Variants in SIGLEC9 observed in about 807,000 individuals in gnomAD.
SIGLEC9 encodes sialic acid binding Ig like lectin 9.
SIGLEC9 carries 26 observed loss-of-function variants against 38.3 expected under a neutral mutation model. The ratio of observed to expected loss-of-function variants is 0.68; its 90% CI spans 0.50 to 0.94. The LOEUF (loss-of-function observed/expected upper bound fraction) is 0.94. SIGLEC9 is among the 40% of genes least tolerant of loss of function. The pLI, the probability that SIGLEC9 is intolerant of heterozygous loss-of-function variation, is 0.00. For synonymous variants in SIGLEC9, 236 were observed against 248.0 expected, an observed-to-expected ratio of 0.95 and a Z score of 0.45; for missense variants, 556 against 585.7, an observed-to-expected ratio of 0.95 and a Z score of 0.52.
intron 2 of SIGLEC9, 33 bp from the exon 3 acceptor site, chr19:51,126,048 A>C: frequency 6.2e-7 from 1 of 1,611,570 alleles, no homozygotes; most frequent in African/African-American, 1.3e-5. Flanking sequence ...CAGCCCTCAC[A>C]GTGATGCGGG....
At chr19:51,124,850 C>T (rs1400310655), upstream of SIGLEC9, 5 of 1,270,912 alleles carry the variant, frequency 3.9e-6, no homozygotes, top group African/African-American at 7.5e-5. Flanking sequence ...CTGAGGAGGT[C>T]ACTGTTCCGA....
rs1295694413 is a variant in SIGLEC9, at chr19:51,127,091, G to A, written c.810G>A (p.Leu270=). 6.2e-7 allele frequency: 1 copy of A among 1,614,190 alleles called. No homozygotes were observed. Among genetic ancestry groups the A allele is most frequent in the Non-Finnish European group, 8.5e-7 (1 of 1,180,024 alleles). Residue 270 remains leucine (L), a synonymous_variant, in exon 4 of 7, where the codon CTG becomes CTA. Coordinates refer to ENST00000250360, the MANE Select transcript of SIGLEC9 (RefSeq NM_014441.3). ...TCCCAGAGGGCCAGTCTCTGCGCCT[G>A]GTCTGTGCAGTTGATGCAGTTGACA... ...LSLPEGQSLR[L]VCAVDAVDSN...
chr19:51,134,154 T>TTC (rs1568615434), downstream of SIGLEC9, among the ~76,000 whole-genome samples: 1 of 125,090 alleles, frequency 8.0e-6, no homozygotes, highest in Non-Finnish European at 1.7e-5. Flanking sequence ...TTTCTTTTTT[T>TTC]TTTTTTTTTT....
At chr19:51,126,022 ACAGGGCCAGTGTCCC>A in intron 2 of SIGLEC9, 44 bp from the exon 3 acceptor site, 1 of 1,582,558 alleles carries the variant, frequency 6.3e-7, no homozygotes, top group Non-Finnish European at 8.7e-7. Flanking sequence ...CTGGGGACAG[ACAGGGCCAGTGTCCC>A]CAGCCCTCAC....
At chr19:51,123,951 C>T (rs113176703), upstream of SIGLEC9, among the ~76,000 whole-genome samples, 583 of 152,214 alleles carry the variant, frequency 3.8e-3, 6 homozygotes, top group African/African-American at 0.013. Flanking sequence ...GTGCATGCCC[C>T]GGGGCTGGTG....
upstream of SIGLEC9, among the ~76,000 whole-genome samples, chr19:51,123,242 AG>A (rs532038829): frequency 1.2e-4 from 18 of 152,184 alleles, no homozygotes; most frequent in Non-Finnish European, 2.1e-4. Context: ...GGGAAGCCGA[AG>A]GATTGTTCCC....
In SIGLEC9 at chr19:51,129,171, G is replaced by GTTTTTTTTTTTTT. The variant is rs375911468; in HGVS notation, c.1203+666_1203+667insTTTTTTTTTTTTT. On this transcript the variant is annotated intron_variant, in intron 6 of 6. Transcript: ENST00000250360. ...GTTTTTTTTTTTTTTTGTTGTTGTT[G>GTTTTTTTTTTTTT]TTTTTGAGACAGAGTCTTGCTCTGT... 4.3e-5 allele frequency among the ~76,000 whole-genome samples: 6 copies of GTTTTTTTTTTTTT among 138,990 alleles called. 1 individual carries two copies. The highest frequency in any genetic ancestry group is 1.8e-4 in the African/African-American group (6 of 33,126). The allele number at this position is 138,990 out of a possible 152,430, so 91.2% of individuals were successfully genotyped here.
chr19:51,133,086 A>G (rs532331611), downstream of SIGLEC9, among the ~76,000 whole-genome samples: 9 of 152,074 alleles, frequency 5.9e-5, no homozygotes, highest in East Asian at 1.4e-3. Context: ...TGAAATTTAT[A>G]TAAACACATA....
intron 3 of SIGLEC9, among the ~76,000 whole-genome samples, chr19:51,126,640 C>T (rs2091981070): frequency 6.6e-6 from 1 of 152,196 alleles, no homozygotes; most frequent in Non-Finnish European, 1.5e-5. Flanking sequence ...TGTCCGCACC[C>T]TCCTCTAGGG....
upstream of SIGLEC9, chr19:51,120,730 C>G (rs547005071): frequency 5.2e-6 from 1 of 193,412 alleles, no homozygotes; most frequent in African/African-American, 2.4e-5. This position sits in a 1 kb window ranked among gnomAD's most constrained non-coding sequence, Gnocchi z 4.1. Context: ...CTGGTGTGAC[C>G]ATGGGGAGAA....
Position 51,125,183 on chromosome 19 carries a change from A to G in SIGLEC9, c.209A>G (p.Gln70Arg). 6.2e-7 allele frequency: 1 copy of G among 1,614,084 alleles called. No homozygotes were observed. The highest frequency in any genetic ancestry group is 8.5e-7 in the Non-Finnish European group (1 of 1,179,982). The change falls in exon 1 of 7, where the codon CAG (glutamine) becomes CGG (arginine). Residue 70 changes from glutamine to arginine, a missense_variant. Physicochemically the swap from Gln to Arg is conservative, Grantham distance 43 (BLOSUM62 1). Transcript: ENST00000250360. ...TTCCGGGAAGGGGCCAATACAGACC[A>G]GGATGCTCCAGTGGCCACAAACAAC... The part of the protein sequence containing the change: ...YWFREGANTD[Q>R]DAPVATNNPA...
At chr19:51,129,546 CGTTT>C (rs923141250) in intron 6 of SIGLEC9, among the ~76,000 whole-genome samples, 1 of 151,274 alleles carries the variant, frequency 6.6e-6, no homozygotes, top group African/African-American at 2.4e-5. Context: ...TGCATTTTTT[CGTTT>C]GTTTGTTTTT....
At chr19:51,124,335 C>T (rs146876473), upstream of SIGLEC9, among the ~76,000 whole-genome samples, 335 of 152,186 alleles carry the variant, frequency 2.2e-3, 1 homozygote, top group African/African-American at 7.7e-3. Context: ...CCCTGACCTA[C>T]GGGAGAGTGA....
At chr19:51,131,788 T>C (rs925387455), downstream of SIGLEC9, among the ~76,000 whole-genome samples, 3 of 151,762 alleles carry the variant, frequency 2.0e-5, no homozygotes, top group African/African-American at 7.3e-5. Flanking sequence ...AGGTGGCGTA[T>C]GCCTGTAGTC....
upstream of SIGLEC9, among the ~76,000 whole-genome samples, chr19:51,124,076 G>A (rs2091959529): frequency 6.6e-6 from 1 of 152,218 alleles, no homozygotes; most frequent in African/African-American, 2.4e-5. Context: ...GTGTGGCTGA[G>A]CGAGACATCG....
In SIGLEC9 at chr19:51,127,967, T is replaced by C. The variant is rs200702028; in HGVS notation, c.1034T>C (p.Val345Ala). The C allele has an allele frequency of 7.4e-6, 12 of 1,613,226 alleles. No individual in the cohort carries two copies. The highest frequency in any genetic ancestry group is 1.0e-5 in the Non-Finnish European group (12 of 1,179,484). The change falls in exon 5 of 7, where the codon GTG becomes GCG. Residue 345 changes from valine to alanine, a missense_variant. Transcript: ENST00000250360. ...VSLQSKATSG[V>A]TQGVVGGAGA... ...TCAACAGGCAAAGCCACATCAGGAG[T>C]GACTCAGGGGGTGGTCGGGGGAGCT...
At chr19:51,124,215 C>T (rs549590950), upstream of SIGLEC9, among the ~76,000 whole-genome samples, 3 of 152,192 alleles carry the variant, frequency 2.0e-5, no homozygotes, top group Non-Finnish European at 4.4e-5. Context: ...CTCAGTTTCC[C>T]AGACCTCCTG....
At position 51,125,801 on chromosome 19, in the gene SIGLEC9, C is replaced by G; in HGVS notation, c.626C>G (p.Thr209Ser). Residue 209 changes from threonine to serine, a missense_variant, in exon 2 of 7, where the codon ACC becomes AGC. Thr to Ser is a moderately conservative substitution (Grantham distance 58). Transcript: ENST00000250360. ...ATCCCACAGCCCCAGGACCATGGCA[C>G]CAGCCTCACCTGTCAGGTGACCTTC... ...TLIPQPQDHGTSLTCQVTFPG... is the reference protein window; with the variant it reads ...TLIPQPQDHGSSLTCQVTFPG... 6.2e-7 allele frequency: 1 copy of G among 1,614,160 alleles called. No homozygotes were observed. The highest frequency in any genetic ancestry group is 8.5e-7 in the Non-Finnish European group (1 of 1,180,024).
intron 4 of SIGLEC9, 125 bp downstream of exon 4, chr19:51,127,421 T>C (rs933274250): frequency 5.3e-5 from 58 of 1,092,290 alleles, no homozygotes; most frequent in Non-Finnish European, 6.6e-5. Context: ...CTGTGAGGTC[T>C]GGAACTTCCC....
Sources: gnomAD v4.1 joint callset for allele counts (sites outside exome capture counted in the v4.1 genomes callset) on GRCh38, gnomAD v4.1.1 for gene constraint, Gnocchi (gnomAD v3.1) non-coding constraint, MANE v1.5 for transcripts, NCBI Gene and HGNC (gene_info 2026-07-23, HGNC 2026-07-21) for gene names.